Variants in AUTS2 observed in about 807,000 individuals in gnomAD.
The protein encoded by AUTS2 is autism susceptibility gene 2 protein.
AUTS2 carries 17 observed loss-of-function variants against 112.4 expected under a neutral mutation model. The ratio of observed to expected loss-of-function variants is 0.15; its 90% CI spans 0.10 to 0.23. The LOEUF (loss-of-function observed/expected upper bound fraction) is 0.23, where lower values mean the gene tolerates loss of function less well. AUTS2 is among the 10% of genes least tolerant of loss of function. The pLI is 1.00. For missense variants in AUTS2, 1,510 were observed against 1,701.6 expected (o/e 0.89, Z 1.98); for synonymous variants, 751 against 702.7 (o/e 1.07, Z -1.09).
In AUTS2 at chr7:70,136,960, T is replaced by A. The variant is rs533172389; in HGVS notation, c.660+2389T>A. 3.3e-5 allele frequency among the ~76,000 whole-genome samples: 5 copies of A among 152,366 alleles called. No homozygotes were observed. The East Asian group carries it at 9.6e-4, about 29-fold the overall frequency. Reference sequence around the variant, plus strand: ...ACCTGAGTATATACATGTGCAGGTGTGTGTGCATGCACACACACGCATACA... The same window carrying A: ...ACCTGAGTATATACATGTGCAGGTGAGTGTGCATGCACACACACGCATACA... On this transcript the variant is annotated intron_variant, in intron 4 of 18. Transcript: ENST00000342771.
At chr7:70,378,798 C>T (rs1440476824) in intron 4 of AUTS2, among the ~76,000 whole-genome samples, 2 of 152,190 alleles carry the variant, frequency 1.3e-5, no homozygotes, top group African/African-American at 2.4e-5. Flanking sequence ...TGTAAAATTA[C>T]TTGAAAGCTT....
chr7:70,714,416 AAAG>A (rs757154955), intron 6 of AUTS2, among the ~76,000 whole-genome samples: 67 of 152,328 alleles, frequency 4.4e-4, no homozygotes, highest in South Asian at 3.1e-3. Flanking sequence ...CATCTATAAA[AAAG>A]AACATTTCTT....
At chr7:70,754,686 T>C (rs1789082222) in intron 6 of AUTS2, among the ~76,000 whole-genome samples, 1 of 152,234 alleles carries the variant, frequency 6.6e-6, no homozygotes, top group Non-Finnish European at 1.5e-5. Context: ...GTGTGCTCTT[T>C]GTGGCTTTGT....
At chr7:69,776,024 C>T (rs1788878636) in intron 1 of AUTS2, among the ~76,000 whole-genome samples, 1 of 152,118 alleles carries the variant, frequency 6.6e-6, no homozygotes, top group South Asian at 2.1e-4. Flanking sequence ...TGGGTCACTC[C>T]TGTGGTCTCT....
intron 16 of AUTS2, among the ~76,000 whole-genome samples, 187 bp from the exon 17 acceptor site, chr7:70,785,768 T>C (rs1400808563): frequency 6.6e-6 from 1 of 152,224 alleles, no homozygotes; most frequent in African/African-American, 2.4e-5. Context: ...CAGAAATATT[T>C]TGCTAACCCA....
intron 2 of AUTS2, among the ~76,000 whole-genome samples, chr7:70,076,021 G>A (rs761939369): frequency 1.2e-4 from 18 of 152,198 alleles, no homozygotes; most frequent in Non-Finnish European, 2.2e-4. Flanking sequence ...ACAGATGGAT[G>A]TGGATGTGTT....
chr7:69,962,710 GTGTA>G (rs1172502424), intron 2 of AUTS2, among the ~76,000 whole-genome samples: 3 of 152,008 alleles, frequency 2.0e-5, no homozygotes, highest in Non-Finnish European at 2.9e-5. Context: ...ATGCATGTAT[GTGTA>G]TGTGTGTGTG....
intron 5 of AUTS2, among the ~76,000 whole-genome samples, chr7:70,665,451 C>CTATCTATT (rs1554455008): frequency 1.4e-5 from 2 of 147,016 alleles, no homozygotes; most frequent in African/African-American, 5.1e-5. Flanking sequence ...ATCTATTTAT[C>CTATCTATT]TATTTATTTA....
intron 1 of AUTS2, among the ~76,000 whole-genome samples, chr7:69,671,936 A>G (rs538693120): frequency 5.9e-5 from 9 of 152,270 alleles, no homozygotes; most frequent in Non-Finnish European, 1.0e-4. Flanking sequence ...GGAAAATACA[A>G]TAAAGCCATG....
rs1808926516 is a variant in AUTS2, at chr7:70,694,209, A to G, written c.691-4360A>G. On this transcript the variant is annotated intron_variant, in intron 5 of 18. Transcript: ENST00000342771. The surrounding 1 kb of genome is among the most constrained non-coding windows in gnomAD (Gnocchi z 4.1). ...TTCACTTGAGCTGTGAACCGGCGGG[A>G]GAGGCAGGCGCCCGCAAGCCGAGCG... The G allele has an allele frequency of 6.8e-6, 1 of 147,928 alleles. No homozygotes were observed. Among genetic ancestry groups the G allele is most frequent in the African/African-American group, 2.5e-5 (1 of 40,164 alleles). 9.2% of individuals were successfully genotyped at this position (147,928 alleles called of 1,614,324 possible).
intron 1 of AUTS2, among the ~76,000 whole-genome samples, chr7:69,775,426 T>G (rs1006308773): frequency 1.3e-5 from 2 of 152,212 alleles, no homozygotes; most frequent in Non-Finnish European, 2.9e-5. Flanking sequence ...ACTATCATAT[T>G]TCCATCTAGG....
At chr7:70,342,552 G>A (rs561276715) in intron 4 of AUTS2, among the ~76,000 whole-genome samples, 2 of 152,202 alleles carry the variant, frequency 1.3e-5, no homozygotes, top group African/African-American at 2.4e-5. Flanking sequence ...AGGCACTAGC[G>A]ACATGTGGCT....
At chr7:70,335,203 AT>A (rs1196352364) in intron 4 of AUTS2, among the ~76,000 whole-genome samples, 3 of 152,150 alleles carry the variant, frequency 2.0e-5, no homozygotes, top group Non-Finnish European at 2.9e-5. Context: ...ATTAAGTTTC[AT>A]TATGTGTGTC....
At chr7:70,319,895 C>T (rs772435317) in intron 4 of AUTS2, among the ~76,000 whole-genome samples, 3 of 152,026 alleles carry the variant, frequency 2.0e-5, no homozygotes, top group Non-Finnish European at 4.4e-5. Flanking sequence ...CAAAAGAATA[C>T]GTAAATGAAT....
rs112953101 is a variant in AUTS2, at chr7:70,015,592, G to A, written c.523-102540G>A. 7.9e-5 allele frequency among the ~76,000 whole-genome samples: 12 copies of A among 152,292 alleles called. 1 individual carries two copies. Among genetic ancestry groups the A allele is most frequent in the Admixed American group, 2.0e-4 (3 of 15,298 alleles). On this transcript the variant is annotated intron_variant, in intron 2 of 18. Coordinates refer to ENST00000342771, the MANE Select transcript of AUTS2 (RefSeq NM_015570.4). Reference sequence around the variant, plus strand: ...AATTAGTTGAGATAACACAACCCATGTTGTGAGAAGATTGTCTTTTTGATT... The same window carrying A: ...AATTAGTTGAGATAACACAACCCATATTGTGAGAAGATTGTCTTTTTGATT...
intron 5 of AUTS2, among the ~76,000 whole-genome samples, chr7:70,449,409 CT>C (rs1310530324): frequency 1.3e-5 from 2 of 152,156 alleles, no homozygotes; most frequent in Non-Finnish European, 2.9e-5. Context: ...AAGCCAGGTG[CT>C]TACACCTGGA....
intron 2 of AUTS2, among the ~76,000 whole-genome samples, chr7:70,042,994 T>C (rs1267291266): frequency 6.7e-6 from 1 of 149,314 alleles, no homozygotes; most frequent in Non-Finnish European, 1.5e-5. Flanking sequence ...AAAGTAGAGC[T>C]ATAAGCAGAA....
At chr7:70,290,278 T>C in intron 4 of AUTS2, 1 of 1,255,324 alleles carries the variant, frequency 8.0e-7, no homozygotes, top group South Asian at 2.1e-5. Flanking sequence ...AAATTACCAA[T>C]GATGTAAAAA....
chr7:69,761,222 G>A (rs1483877021), intron 1 of AUTS2, among the ~76,000 whole-genome samples: 1 of 152,200 alleles, frequency 6.6e-6, no homozygotes, highest in Non-Finnish European at 1.5e-5. Flanking sequence ...CTCAGATCTG[G>A]TCTTTAACCT....
Sources: allele counts gnomAD v4.1 joint callset (sites outside exome capture counted in the v4.1 genomes callset), GRCh38; gene constraint gnomAD v4.1.1; non-coding constraint Gnocchi (gnomAD v3.1); transcripts MANE v1.5; gene names NCBI Gene and HGNC (gene_info 2026-07-23, HGNC 2026-07-21).